Variants in PCDHA5 observed in about 807,000 individuals in gnomAD.
The protein encoded by PCDHA5 is protocadherin alpha-5.
Under a neutral mutation model 61.6 loss-of-function variants are expected in PCDHA5, and 43 were observed. That is an observed-to-expected ratio of 0.70 (90% CI 0.55 to 0.90). The LOEUF (loss-of-function observed/expected upper bound fraction) is 0.90. Ranked by LOEUF, PCDHA5 falls within the 40% of genes least tolerant of loss-of-function variation. PCDHA5 has a pLI of 0.00. For synonymous variants in PCDHA5, 627 were observed against 543.9 expected (o/e 1.15, Z -2.13); for missense variants, 1,298 against 1,222.7 (o/e 1.06, Z -0.92).
rs782277287 is a variant in PCDHA5 at position 140,929,397 on chromosome 5, T to C, written c.2353-49552T>C. 4.6e-6 allele frequency: 7 copies of C among 1,509,852 alleles called. No homozygotes were observed. In the South Asian group the frequency reaches 9.5e-5, roughly 21 times the overall value. The allele number at this position is 1,509,852 out of a possible 1,614,324, so 93.5% of individuals were successfully genotyped here. A position where few individuals can be genotyped will look rare whatever the true frequency, so the allele number is the denominator to read the frequency against. Reference sequence around the variant, plus strand: ...GCTAGCTGTGTTTTGAAATATTTCTTAGACAAGCCTTTCACAACATTTCAT... The same window carrying C: ...GCTAGCTGTGTTTTGAAATATTTCTCAGACAAGCCTTTCACAACATTTCAT... On this transcript the variant is annotated intron_variant, in intron 1 of 3. Transcript: ENST00000529859.
intron 1 of PCDHA5, among the ~76,000 whole-genome samples, chr5:140,903,405 G>A (rs2070271184): frequency 6.6e-6 from 1 of 152,184 alleles, no homozygotes; most frequent in Non-Finnish European, 1.5e-5. Flanking sequence ...CAGTAGTGCA[G>A]TCAGGAAAAA....
chr5:140,887,196 A>T (rs180902279), intron 1 of PCDHA5, among the ~76,000 whole-genome samples: 49 of 151,316 alleles, frequency 3.2e-4, no homozygotes, highest in African/African-American at 1.1e-3. Context: ...TCCCGGGTTC[A>T]CGCCATTCTC....
rs571650734 is a variant in PCDHA5 at position 140,851,052 on chromosome 5, C to T, written c.2352+26925C>T. On this transcript the variant is annotated intron_variant, in intron 1 of 3. Transcript: ENST00000529859. Reference sequence around the variant, plus strand: ...CCCTTAACATTGGAGCCGACTTTGTCTTGACTTCTAGTGAGAATTATAAAC... The same window carrying T: ...CCCTTAACATTGGAGCCGACTTTGTTTTGACTTCTAGTGAGAATTATAAAC... 5 of 1,384,048 alleles carry T rather than the reference C, an allele frequency of 3.6e-6. No individual in the cohort carries two copies. The African/African-American group carries it at 5.9e-5, about 16-fold the overall frequency. The allele number at this position is 1,384,048 out of a possible 1,614,324, so 85.7% of individuals were successfully genotyped here.
intron 1 of PCDHA5, chr5:140,842,490 T>G: frequency 6.2e-7 from 1 of 1,613,916 alleles, no homozygotes; most frequent in Non-Finnish European, 8.5e-7. Context: ...TGCTCCCTGA[T>G]GCCCCATGTC....
chr5:140,877,317 G>C (rs535177109), intron 1 of PCDHA5: 5 of 1,614,004 alleles, frequency 3.1e-6, no homozygotes, highest in Admixed American at 1.7e-5. Context: ...AACCGGCGGC[G>C]GTCGGCGCGC....
intron 1 of PCDHA5, among the ~76,000 whole-genome samples, chr5:140,963,581 G>A (rs2095775682): frequency 6.6e-6 from 1 of 152,210 alleles, no homozygotes; most frequent in Non-Finnish European, 1.5e-5. Flanking sequence ...TTCTCAAAAT[G>A]TAGGATATAG....
At chr5:140,983,807 G>A (rs1158459034) in intron 3 of PCDHA5, among the ~76,000 whole-genome samples, 1 of 152,100 alleles carries the variant, frequency 6.6e-6, no homozygotes, top group African/African-American at 2.4e-5. Context: ...TGTGTAAAAG[G>A]TTTTTTCCCA....
chr5:140,857,458 C>A (rs782648266), intron 1 of PCDHA5: 1 of 1,598,670 alleles, frequency 6.3e-7, no homozygotes, highest in South Asian at 1.1e-5. Flanking sequence ...ACCCGCCAGG[C>A]TGCCACATCT....
chr5:141,000,192 T>C lies in PCDHA5; in HGVS notation c.2501-9435T>C, dbSNP rs112948047. 6.4e-3 allele frequency among the ~76,000 whole-genome samples: 968 copies of C among 151,888 alleles called. 13 individuals carry two copies. Among genetic ancestry groups the C allele is most frequent in the African/African-American group, 0.023 (941 of 41,384 alleles). ...TTGAGCCAAGGAGTCAATGTGAGAA[T>C]AGTTTTTCACCTTCATTATCAAATG... On this transcript the variant is annotated intron_variant, in intron 3 of 3. Coordinates refer to ENST00000529859, the MANE Select transcript of PCDHA5 (RefSeq NM_018908.3).
At chr5:140,855,666 A>G (rs2043560136) in intron 1 of PCDHA5, among the ~76,000 whole-genome samples, 2 of 149,632 alleles carry the variant, frequency 1.3e-5, no homozygotes, top group Admixed American at 6.7e-5. Context: ...AGAAATCACT[A>G]CTCTGAGAGT....
intron 1 of PCDHA5, among the ~76,000 whole-genome samples, chr5:140,881,594 A>C (rs1464236535): frequency 6.6e-6 from 1 of 152,244 alleles, no homozygotes; most frequent in Non-Finnish European, 1.5e-5. Flanking sequence ...AGGGAAATTT[A>C]TTAATATGAT....
intron 3 of PCDHA5, among the ~76,000 whole-genome samples, chr5:140,992,294 G>C (rs2097504138): frequency 1.3e-5 from 2 of 152,190 alleles, no homozygotes; most frequent in African/African-American, 4.8e-5. Context: ...CAAAGGATGG[G>C]AGTATTGTTT....
intron 1 of PCDHA5, among the ~76,000 whole-genome samples, chr5:140,872,775 A>G (rs2053889520): frequency 1.3e-5 from 2 of 152,182 alleles, no homozygotes; most frequent in Non-Finnish European, 1.5e-5. Context: ...TATATTATCT[A>G]TAATATATGC....
chr5:140,916,053 G>T (rs1378949362), intron 1 of PCDHA5, among the ~76,000 whole-genome samples: 1 of 152,104 alleles, frequency 6.6e-6, no homozygotes, highest in African/African-American at 2.4e-5. Flanking sequence ...AGGCAGAGGT[G>T]CCTCTCCCTG....
chr5:140,891,904 T>A (rs1429453216), intron 1 of PCDHA5, among the ~76,000 whole-genome samples: 3 of 152,212 alleles, frequency 2.0e-5, no homozygotes, highest in Non-Finnish European at 4.4e-5. Flanking sequence ...AAGAAGATCT[T>A]CACCAGATGC....
rs184822768 is a variant in PCDHA5 at position 140,847,338 on chromosome 5, C to A, written c.2352+23211C>A. 45 of 149,900 alleles carry A rather than the reference C, an allele frequency of 3.0e-4. 3 individuals carry two copies. In the Admixed American group the frequency reaches 3.0e-3, roughly 10 times the overall value. The allele number at this position is 149,900 out of a possible 1,614,324, so 9.3% of individuals were successfully genotyped here. On this transcript the variant is annotated intron_variant, in intron 1 of 3. Transcript: ENST00000529859. ...ACAGAAGCAATTGTTAAATGCACCT[C>A]TTAGGCTGTTATCAGTAGAAATACG... is the stretch of plus-strand genomic sequence containing the variant.
chr5:140,829,529 C>A (rs2150169515), intron 1 of PCDHA5: 1 of 1,613,272 alleles, frequency 6.2e-7, no homozygotes, highest in Non-Finnish European at 8.5e-7. Context: ...GGTGTCTGCG[C>A]GAGACGCGGA....
rs143182337 is a variant in PCDHA5 at position 140,938,958 on chromosome 5, G to A, written c.2353-39991G>A. On this transcript the variant is annotated intron_variant, in intron 1 of 3. Coordinates refer to ENST00000529859, the MANE Select transcript of PCDHA5 (RefSeq NM_018908.3). ...TTTCCATTCTTATAATGCTCTAGTC[G>A]GAGTTTGGCATCAAGGCTATCCTGG... 3.2e-3 allele frequency among the ~76,000 whole-genome samples: 486 copies of A among 152,204 alleles called. 2 individuals carry two copies. Among genetic ancestry groups the A allele is most frequent in the Middle Eastern group, 0.014 (4 of 294 alleles).
At position 140,924,416 on chromosome 5, in the gene PCDHA5, T is replaced by A. The variant is rs1283567998; in HGVS notation, c.2353-54533T>A. 1.3e-5 allele frequency among the ~76,000 whole-genome samples: 2 copies of A among 152,192 alleles called. 1 individual carries two copies. The highest frequency in any genetic ancestry group is 4.1e-4 in the South Asian group (2 of 4,830). ...TATTGCCTTATATCACAGTGTGCCC[T>A]TTCTAGTTCCCTAGAAGAGATAACG... is the stretch of plus-strand genomic sequence containing the variant. On this transcript the variant is annotated intron_variant, in intron 1 of 3. Coordinates refer to ENST00000529859, the MANE Select transcript of PCDHA5 (RefSeq NM_018908.3).
Sources: gnomAD v4.1 joint callset for allele counts (sites outside exome capture counted in the v4.1 genomes callset) on GRCh38, gnomAD v4.1.1 for gene constraint, MANE v1.5 for transcripts, NCBI Gene and HGNC (gene_info 2026-07-23, HGNC 2026-07-21) for gene names.